WDR27: variants seen among roughly 807,000 people sequenced by gnomAD.
WDR27 encodes WD repeat domain 27.
WDR27 carries 100 observed loss-of-function variants against 114.4 expected under a neutral mutation model. The observed-to-expected ratio is 0.87, with a 90% CI of 0.74 to 1.03. WDR27 has a LOEUF of 1.03. WDR27 is among the 50% of genes least tolerant of loss of function. The pLI, the probability that WDR27 is intolerant of heterozygous loss-of-function variation, is 0.00. For synonymous variants in WDR27, 449 were observed against 423.1 expected (o/e 1.06, Z -0.75); for missense variants, 1,129 against 1,092.9 (o/e 1.03, Z -0.47).
chr6:169,483,710 GACAC>G (rs57809237), intron 25 of WDR27, among the ~76,000 whole-genome samples: 2 of 149,512 alleles, frequency 1.3e-5, no homozygotes, highest in Admixed American at 1.3e-4. Context: ...CACACACACA[GACAC>G]ACACACACAC....
chr6:169,494,510 T>C (rs1790160198), intron 25 of WDR27, among the ~76,000 whole-genome samples: 1 of 152,178 alleles, frequency 6.6e-6, no homozygotes, highest in Admixed American at 6.5e-5. Flanking sequence ...GATGTTAAAA[T>C]GGCTGTGACA....
intron 25 of WDR27, among the ~76,000 whole-genome samples, chr6:169,479,709 A>C (rs995707931): frequency 6.6e-6 from 1 of 152,232 alleles, no homozygotes. Context: ...TCATGAAGTC[A>C]TTTCTTTTAA....
rs147604638 is a variant in WDR27, at chr6:169,686,863, T to C, written c.189+1954A>G. On this transcript the variant is annotated intron_variant, in intron 2 of 25. Transcript: ENST00000448612. ...GCAACATGGATGGAACTGGAGGTCA[T>C]TATGTTAAATGAAATAAGCCAGGCA... Among the ~76,000 whole-genome samples, 427 of 152,280 alleles carry C rather than the reference T, an allele frequency of 2.8e-3. 4 individuals carry two copies. The highest frequency in any genetic ancestry group is 1.9e-3 in the Non-Finnish European group (132 of 68,006).
At chr6:169,432,137 T>A in the WDR27 span, among the ~76,000 whole-genome samples, 2 of 152,010 alleles carry the variant, frequency 1.3e-5, no homozygotes, top group African/African-American at 2.4e-5. Context: ...AGCATTGCAG[T>A]GTTTCTCAAA....
rs1379298821 is a variant in WDR27 at position 169,684,628 on chromosome 6, G to T, written c.189+4189C>A. 6.6e-6 allele frequency among the ~76,000 whole-genome samples: 1 copy of T among 152,192 alleles called. No homozygotes were observed. Among genetic ancestry groups the T allele is most frequent in the Non-Finnish European group, 1.5e-5 (1 of 68,030 alleles). On this transcript the variant is annotated intron_variant, in intron 2 of 25. Coordinates refer to ENST00000448612, the MANE Select transcript of WDR27 (RefSeq NM_182552.5). This position sits in a 1 kb window ranked among gnomAD's most constrained non-coding sequence, Gnocchi z 4.3. Reference sequence around the variant, plus strand: ...GGTCAGCCAAGCAGCCATAAGCTGTGTGACTATGTCCTGGGACTGAGAAGC... The same window carrying T: ...GGTCAGCCAAGCAGCCATAAGCTGTTTGACTATGTCCTGGGACTGAGAAGC...
the WDR27 span, among the ~76,000 whole-genome samples, chr6:169,447,237 C>T: frequency 6.6e-6 from 1 of 152,160 alleles, no homozygotes; most frequent in African/African-American, 2.4e-5. Flanking sequence ...TTGCTTCACA[C>T]TTATGAGCTG....
At chr6:169,661,059 T>G (rs112597492) in intron 9 of WDR27, among the ~76,000 whole-genome samples, 4,654 of 150,542 alleles carry the variant, frequency 0.031, 260 homozygotes, top group African/African-American at 0.11. Context: ...TCCGCAGGAG[T>G]GGAGAGCGTG....
chr6:169,577,340 C>CACGGT (rs1802548730), intron 24 of WDR27, among the ~76,000 whole-genome samples: 1 of 151,964 alleles, frequency 6.6e-6, no homozygotes, highest in Admixed American at 6.5e-5. Context: ...GGAATGGCGC[C>CACGGT]CCCCGATGTC....
At position 169,694,463 on chromosome 6, in the gene WDR27, C is replaced by G. The variant is rs547366482; in HGVS notation, c.-7-5451G>C. On this transcript the variant is annotated intron_variant, in intron 1 of 25. Coordinates refer to ENST00000448612, the MANE Select transcript of WDR27 (RefSeq NM_182552.5). ...ATTTATAACAAGTAAATCATTCTACCTTTCCCAAATGTATTTCTTCAAGGC... is the reference window on the plus strand; with the variant it reads ...ATTTATAACAAGTAAATCATTCTACGTTTCCCAAATGTATTTCTTCAAGGC... 4.6e-5 allele frequency among the ~76,000 whole-genome samples: 7 copies of G among 152,268 alleles called. No individual in the cohort carries two copies. In the South Asian group the frequency reaches 1.4e-3, roughly 32 times the overall value.
intron 4 of WDR27, among the ~76,000 whole-genome samples, chr6:169,668,423 G>A (rs1044439184): frequency 9.2e-5 from 14 of 152,068 alleles, no homozygotes; most frequent in African/African-American, 1.4e-4. Flanking sequence ...GAGGCTCCCC[G>A]CCTGTAACTC....
At chr6:169,587,408 G>A (rs1027712180) in intron 23 of WDR27, among the ~76,000 whole-genome samples, 3 of 151,812 alleles carry the variant, frequency 2.0e-5, no homozygotes, top group East Asian at 1.9e-4. Context: ...TAATAGAGAC[G>A]GGGTTTCACC....
At chr6:169,486,952 A>G (rs1339231493) in intron 25 of WDR27, among the ~76,000 whole-genome samples, 1 of 152,186 alleles carries the variant, frequency 6.6e-6, no homozygotes, top group Non-Finnish European at 1.5e-5. Flanking sequence ...AATTCTTGAG[A>G]ACCTTCATGC....
At position 169,457,689 on chromosome 6, in the gene WDR27, ACT is replaced by A. The variant is rs1784432446; in HGVS notation, c.2646-57_2646-56del. 17 of 1,389,316 alleles carry A rather than the reference ACT, an allele frequency of 1.2e-5. 1 individual carries two copies. The East Asian group carries it at 4.0e-4, about 33-fold the overall frequency. The allele number at this position is 1,389,316 out of a possible 1,614,324, so 86.1% of individuals were successfully genotyped here. A position where few individuals can be genotyped will look rare whatever the true frequency, so the allele number is the denominator to read the frequency against. ...TCCAATCGCCTTTTATTAATTGATA[ACT>A]CTATAAGAAAATAAGCCCAAAGTGT... is the stretch of plus-strand genomic sequence containing the variant. On this transcript the variant is annotated intron_variant, in intron 25 of 25. Transcript: ENST00000448612.
chr6:169,468,993 A>T (rs1562455848), intron 25 of WDR27, among the ~76,000 whole-genome samples: 1 of 152,180 alleles, frequency 6.6e-6, no homozygotes, highest in Non-Finnish European at 1.5e-5. Context: ...TTATAGAATT[A>T]GGACTCCACT....
intron 1 of WDR27, among the ~76,000 whole-genome samples, chr6:169,694,911 C>G (rs1756587190): frequency 6.6e-6 from 1 of 152,198 alleles, no homozygotes; most frequent in Non-Finnish European, 1.5e-5. Context: ...GAGACACTTT[C>G]CATGTTTGAA....
intron 16 of WDR27, among the ~76,000 whole-genome samples, chr6:169,645,975 C>T (rs1383570666): frequency 6.6e-6 from 1 of 152,038 alleles, no homozygotes; most frequent in Non-Finnish European, 1.5e-5. Flanking sequence ...ATACGACTCA[C>T]ACTGTAGAAA....
intron 14 of WDR27, among the ~76,000 whole-genome samples, chr6:169,650,764 T>C (rs1365895132): frequency 7.0e-6 from 1 of 143,334 alleles, no homozygotes; most frequent in African/African-American, 2.6e-5. Context: ...CCACCATCTA[T>C]CCACTTATTC....
At chr6:169,482,984 T>A (rs1788397971) in intron 25 of WDR27, among the ~76,000 whole-genome samples, 2 of 152,202 alleles carry the variant, frequency 1.3e-5, no homozygotes, top group African/African-American at 4.8e-5. Flanking sequence ...TCTTCAAAAC[T>A]AATGAGAACA....
chr6:169,469,412 A>T (rs112802548), intron 25 of WDR27, among the ~76,000 whole-genome samples: 1,780 of 152,328 alleles, frequency 0.012, 39 homozygotes, highest in African/African-American at 0.041. Flanking sequence ...GGCAAACTCC[A>T]TTTAATTTTA....
Sources: allele counts gnomAD v4.1 joint callset (sites outside exome capture counted in the v4.1 genomes callset), GRCh38; gene constraint gnomAD v4.1.1; non-coding constraint Gnocchi (gnomAD v3.1); transcripts MANE v1.5; gene names NCBI Gene and HGNC (gene_info 2026-07-23, HGNC 2026-07-21).